COBL: variants seen among roughly 807,000 people sequenced by gnomAD.
COBL encodes the protein cordon-bleu WH2 repeat protein.
In COBL, 51 loss-of-function variants were observed where a neutral mutation model predicts 98.8. The observed-to-expected ratio is 0.52, with a 90% confidence interval of 0.41 to 0.65. The LOEUF is 0.65. COBL is among the 30% of genes least tolerant of loss of function. The pLI is 0.00. For missense variants in COBL, 1,617 were observed against 1,617.5 expected, an observed-to-expected ratio of 1.00 and a Z score of 0.01; for synonymous variants, 634 against 651.7, an observed-to-expected ratio of 0.97 and a Z score of 0.41.
intron 6 of COBL, among the ~76,000 whole-genome samples, chr7:51,132,422 T>C (rs2129002506): frequency 6.6e-6 from 1 of 152,360 alleles, no homozygotes; most frequent in East Asian, 1.9e-4. Flanking sequence ...TGGCTAGTGC[T>C]GTTCTTACTG....
intron 1 of COBL, among the ~76,000 whole-genome samples, chr7:51,308,769 A>G (rs937078995): frequency 1.1e-4 from 17 of 152,060 alleles, no homozygotes; most frequent in African/African-American, 3.9e-4. Flanking sequence ...GGTGCCCACT[A>G]TGAATAAGTG....
intron 8 of COBL, 120 bp downstream of exon 8, chr7:51,043,263 G>T: frequency 1.1e-6 from 1 of 918,124 alleles, no homozygotes; most frequent in Non-Finnish European, 1.6e-6. Flanking sequence ...AATCAGGGTC[G>T]GGGCCCCTGG....
At chr7:51,279,993 G>C (rs1376693526) in intron 1 of COBL, among the ~76,000 whole-genome samples, 1 of 152,034 alleles carries the variant, frequency 6.6e-6, no homozygotes, top group Non-Finnish European at 1.5e-5. Context: ...AATATAACAG[G>C]AACATGCACT....
At chr7:51,066,727 C>T (rs1439750365) in intron 7 of COBL, among the ~76,000 whole-genome samples, 1 of 152,116 alleles carries the variant, frequency 6.6e-6, no homozygotes, top group Non-Finnish European at 1.5e-5. Context: ...GACTAAGACC[C>T]CCACCCCTCC....
chr7:51,186,915 T>C (rs1789576483), intron 4 of COBL, among the ~76,000 whole-genome samples: 1 of 152,168 alleles, frequency 6.6e-6, no homozygotes, highest in African/African-American at 2.4e-5. Context: ...AACTGATGCA[T>C]AGCCAGCCCT....
At chr7:51,031,832 T>G (rs1204239730) in intron 8 of COBL, 5 of 152,222 alleles carry the variant, frequency 3.3e-5, no homozygotes, top group African/African-American at 1.2e-4. Context: ...AATCTTGAAC[T>G]GGGACATAAG....
chr7:51,293,738 G>C (rs1341788941), intron 1 of COBL, among the ~76,000 whole-genome samples: 1 of 152,090 alleles, frequency 6.6e-6, no homozygotes, highest in Non-Finnish European at 1.5e-5. Flanking sequence ...ATCACAAAGA[G>C]GAAAAAGAAG....
intron 8 of COBL, chr7:51,034,946 G>C (rs912991541): frequency 6.6e-6 from 1 of 152,190 alleles, no homozygotes; most frequent in Non-Finnish European, 1.5e-5. Flanking sequence ...TTTCTCACAC[G>C]GAGTTGGGGA....
At chr7:51,228,873 T>C (rs1400042698) in intron 1 of COBL, among the ~76,000 whole-genome samples, 1 of 152,022 alleles carries the variant, frequency 6.6e-6, no homozygotes, top group African/African-American at 2.4e-5. Context: ...AAACCCTGAG[T>C]TACTACATTG....
chr7:51,185,686 G>A (rs1789425270), intron 4 of COBL, among the ~76,000 whole-genome samples: 1 of 152,162 alleles, frequency 6.6e-6, no homozygotes, highest in South Asian at 2.1e-4. Flanking sequence ...CTATACCATT[G>A]GTGGCAGAAT....
At chr7:51,179,112 G>C (rs986334188) in intron 5 of COBL, among the ~76,000 whole-genome samples, 7 of 152,126 alleles carry the variant, frequency 4.6e-5, no homozygotes, top group African/African-American at 1.7e-4. Flanking sequence ...GGAGATTAGG[G>C]CTCCTGGAAA....
chr7:51,095,715 A>G lies in COBL; in HGVS notation c.958-10411T>C, dbSNP rs1168886026. The stretch of plus-strand genomic sequence containing the variant: ...AGGGAAAAAGATATTCCATGCAAAT[A>G]GTAACTAAAAGAGTGAATATGGCCA... On this transcript the variant is annotated intron_variant, in intron 6 of 12. Coordinates refer to ENST00000265136, the MANE Select transcript of COBL (RefSeq NM_015198.5). Among the ~76,000 whole-genome samples the G allele has an allele frequency of 2.6e-5, 4 of 152,316 alleles. 1 individual carries two copies. The highest frequency in any genetic ancestry group is 2.6e-4 in the Admixed American group (4 of 15,300).
At position 51,136,347 on chromosome 7, in the gene COBL, C is replaced by T. The variant is rs752014588; in HGVS notation, c.784-16G>A. The T allele has an allele frequency of 1.9e-6, 3 of 1,603,302 alleles. No individual in the cohort carries two copies. The highest frequency in any genetic ancestry group is 2.6e-6 in the Non-Finnish European group (3 of 1,175,806). On this transcript the variant is annotated splice_polypyrimidine_tract_variant and intron_variant, in intron 5 of 12. Coordinates refer to ENST00000265136, the MANE Select transcript of COBL (RefSeq NM_015198.5). Reference sequence around the variant, plus strand: ...TTAAACAGCCCTGTTGGGGAAGAGACAAACAGAAAACCAAATCAGTATGAG... The same window carrying T: ...TTAAACAGCCCTGTTGGGGAAGAGATAAACAGAAAACCAAATCAGTATGAG...
intron 1 of COBL, among the ~76,000 whole-genome samples, chr7:51,309,792 T>C (rs974010340): frequency 2.6e-5 from 4 of 152,172 alleles, no homozygotes; most frequent in African/African-American, 7.2e-5. Context: ...TACAAAGTAA[T>C]AGTCCTGGCT....
At chr7:51,247,845 C>A (rs1375823777) in intron 1 of COBL, among the ~76,000 whole-genome samples, 1 of 152,164 alleles carries the variant, frequency 6.6e-6, no homozygotes, top group Non-Finnish European at 1.5e-5. Context: ...AAACACAAGG[C>A]CAGGCGCAAT....
Position 51,221,187 on chromosome 7 carries a change from C to T in COBL, c.42-1243G>A, listed in dbSNP as rs116335522. 2.8e-3 allele frequency among the ~76,000 whole-genome samples: 426 copies of T among 152,294 alleles called. 5 individuals carry two copies. Among genetic ancestry groups the T allele is most frequent in the African/African-American group, 9.3e-3 (385 of 41,548 alleles). On this transcript the variant is annotated intron_variant, in intron 1 of 12. Coordinates refer to ENST00000265136, the MANE Select transcript of COBL (RefSeq NM_015198.5). ...GGGTTTGCTCCCGCTGCCTCCCTCCCGCTCTGGCCATACCCTAGTTAGAGG... is the reference window on the plus strand; with the variant it reads ...GGGTTTGCTCCCGCTGCCTCCCTCCTGCTCTGGCCATACCCTAGTTAGAGG...
At chr7:51,031,653 C>T (rs185625276) in intron 8 of COBL, 8 of 152,438 alleles carry the variant, frequency 5.2e-5, no homozygotes, top group African/African-American at 1.9e-4. Context: ...CCCTGCCAGA[C>T]TCAGAAAACG....
rs575008561 is a variant in COBL at position 51,018,160 on chromosome 7, G to A, written c.3769-592C>T. 3.3e-5 allele frequency among the ~76,000 whole-genome samples: 5 copies of A among 152,190 alleles called. No homozygotes were observed. The South Asian group carries it at 1.0e-3, about 32-fold the overall frequency. On this transcript the variant is annotated intron_variant, in intron 12 of 12. Transcript: ENST00000265136. ...GTGATGGTGGTTAATTGTGGTGGTG[G>A]TGGCAGTGGTAACGGTGGTTATGGT...
intron 1 of COBL, among the ~76,000 whole-genome samples, chr7:51,234,391 AT>A (rs1795039009): frequency 6.6e-6 from 1 of 152,204 alleles, no homozygotes; most frequent in South Asian, 2.1e-4. Flanking sequence ...CACTTCCCAA[AT>A]AACACCACCA....
Sources: gnomAD v4.1 joint callset for allele counts (sites outside exome capture counted in the v4.1 genomes callset) on GRCh38, gnomAD v4.1.1 for gene constraint, MANE v1.5 for transcripts, NCBI Gene and HGNC (gene_info 2026-07-23, HGNC 2026-07-21) for gene names.